Variants in COL6A5 observed in about 807,000 individuals in gnomAD.
COL6A5 encodes collagen type VI alpha 5 chain.
Under a neutral mutation model 65.6 loss-of-function variants are expected in COL6A5, and 48 were observed. The ratio of observed to expected loss-of-function variants is 0.73; its 90% CI spans 0.58 to 0.93. The LOEUF (loss-of-function observed/expected upper bound fraction) is 0.93. Ranked by LOEUF, COL6A5 falls within the 40% of genes least tolerant of loss-of-function variation. The pLI is 0.00. For missense variants in COL6A5, 914 were observed against 928.3 expected (o/e 0.98, Z 0.20); for synonymous variants, 291 against 322.8 (o/e 0.90, Z 1.05).
chr3:130,474,282 A>T (rs2107620028), intron 7 of COL6A5, among the ~76,000 whole-genome samples: 1 of 152,248 alleles, frequency 6.6e-6, no homozygotes, highest in Middle Eastern at 3.4e-3. Context: ...ACTCACAGAC[A>T]ATCAGACAGC....
chr3:130,392,145 G>A (rs1264242244), intron 7 of COL6A5, among the ~76,000 whole-genome samples: 1 of 152,134 alleles, frequency 6.6e-6, no homozygotes, highest in Non-Finnish European at 1.5e-5. Flanking sequence ...AAACTCAAAC[G>A]GAAAGTTTCA....
At position 130,471,074 on chromosome 3, in the gene COL6A5, T is replaced by TTGTGTGTG. The variant is rs34150957; in HGVS notation, c.2328+127_2328+134dup. On this transcript the variant is annotated intron_variant, in intron 7 of 7. Coordinates refer to ENST00000512836, the Ensembl canonical transcript of COL6A5. ...GTTTTCAAGATCCAAGTGTGTGTTTTTGTGTGTGTGTGTGTGTGTGTGTGT... is the reference window on the plus strand; with the variant it reads ...GTTTTCAAGATCCAAGTGTGTGTTTTTGTGTGTGTGTGTGTGTGTGTGTGTGTGTGTGT... The TTGTGTGTG allele has an allele frequency of 2.3e-4, 128 of 553,504 alleles. No homozygotes were observed. In the South Asian group the frequency reaches 2.6e-3, roughly 11 times the overall value. The allele number at this position is 553,504 out of a possible 1,614,324, so 34.3% of individuals were successfully genotyped here. A position where few individuals can be genotyped will look rare whatever the true frequency, so the allele number is the denominator to read the frequency against.
At chr3:130,376,253 T>A (rs1935764156) in exon 3 of COL6A5, 11 of 1,605,954 alleles carry the variant, frequency 6.8e-6, no homozygotes, top group Non-Finnish European at 8.5e-6. Context: ...GCCCTGTGTA[T>A]GCAGATGTCG....
intron 6 of COL6A5, 88 bp downstream of exon 38, chr3:130,469,569 C>T: frequency 9.3e-7 from 1 of 1,072,632 alleles, no homozygotes. Flanking sequence ...AAATGATCCT[C>T]ACTTCAGTTA....
intron 7 of COL6A5, among the ~76,000 whole-genome samples, chr3:130,478,636 C>T (rs1182922523): frequency 6.6e-6 from 1 of 152,102 alleles, no homozygotes; most frequent in Non-Finnish European, 1.5e-5. Context: ...CTGAATCTAA[C>T]TGCGGTGCTT....
intron 5 of COL6A5, among the ~76,000 whole-genome samples, chr3:130,463,171 A>G (rs367635020): frequency 3.9e-5 from 6 of 152,238 alleles, no homozygotes; most frequent in East Asian, 1.9e-4. Flanking sequence ...AGTACTGCTA[A>G]TCTCATGGGA....
At chr3:130,422,231 T>A (rs373076282) in intron 27 of COL6A5, among the ~76,000 whole-genome samples, 1 of 152,140 alleles carries the variant, frequency 6.6e-6, no homozygotes, top group South Asian at 2.1e-4. Flanking sequence ...GAGGATCAAT[T>A]TTCCAATTTA....
chr3:130,484,770 A>G (rs979576095), exon 8 of COL6A5: 6 of 398,812 alleles, frequency 1.5e-5, no homozygotes, highest in Non-Finnish European at 2.7e-5. Flanking sequence ...CAGATACTCT[A>G]TATGACCAGA....
chr3:130,367,334 C>T (rs969080563), intron 1 of COL6A5, among the ~76,000 whole-genome samples: 2 of 152,184 alleles, frequency 1.3e-5, no homozygotes, highest in South Asian at 4.1e-4. Context: ...ACCTGGGATC[C>T]TTGATCTCTC....
At position 130,471,627 on chromosome 3, in the gene COL6A5, A is replaced by T. The variant is rs1709954116; in HGVS notation, c.2328+660A>T. 7 of 1,485,246 alleles carry T rather than the reference A, an allele frequency of 4.7e-6. No homozygotes were observed. The South Asian group carries it at 7.7e-5, about 16-fold the overall frequency. The allele number at this position is 1,485,246 out of a possible 1,614,324, so 92.0% of individuals were successfully genotyped here. ...TATTATCTGGTGGTATTCACATTTA[A>T]TCTTGCAGGGGACTTGGCTAACTAA... On this transcript the variant is annotated intron_variant, in intron 7 of 7. Coordinates refer to ENST00000512836, the Ensembl canonical transcript of COL6A5.
At chr3:130,402,541 A>G (rs780025400) in intron 12 of COL6A5, among the ~76,000 whole-genome samples, 4 of 152,228 alleles carry the variant, frequency 2.6e-5, no homozygotes, top group Non-Finnish European at 5.9e-5. Flanking sequence ...GCATGTGGTA[A>G]AATTCCATTT....
chr3:130,439,433 G>T (rs58510278), intron 1 of COL6A5, 89 bp from the exon 34 acceptor site: 17 of 799,650 alleles, frequency 2.1e-5, no homozygotes, highest in Non-Finnish European at 3.3e-5. Flanking sequence ...GTGATTAGTT[G>T]GGTGTTTTTT....
At chr3:130,476,166 TTGA>T (rs752698890) in intron 7 of COL6A5, among the ~76,000 whole-genome samples, 36 of 152,226 alleles carry the variant, frequency 2.4e-4, no homozygotes, top group Non-Finnish European at 4.6e-4. Flanking sequence ...TATAAGGTTC[TTGA>T]TGAGGGCTCT....
chr3:130,431,541 TA>T lies in COL6A5; in HGVS notation c.83del (p.Thr29HisfsTer56). The T allele has an allele frequency of 6.4e-7, 1 of 1,551,614 alleles. No individual in the cohort carries two copies. The highest frequency in any genetic ancestry group is 8.7e-7 in the Non-Finnish European group (1 of 1,146,930). On this transcript the variant is annotated frameshift_variant, in exon 1 of 8. Transcript: ENST00000512836. LOFTEE classifies it high-confidence loss of function. ...ACGATGTCACAGAAGAGAGCTTTAATAAAACACGGGACATCATCACTTCCAT... is the reference window on the plus strand; with the variant it reads ...ACGATGTCACAGAAGAGAGCTTTAATAAACACGGGACATCATCACTTCCAT...
exon 3 of COL6A5, chr3:130,440,404 G>A: frequency 1.2e-6 from 2 of 1,613,614 alleles, no homozygotes; most frequent in Non-Finnish European, 1.7e-6. Context: ...CCAGGAGAAA[G>A]ATGGGTACAG....
In COL6A5 at chr3:130,376,650, G is replaced by A. The variant is rs777760382; in HGVS notation, c.481G>A (p.Gly161Arg). 1.4e-4 allele frequency: 221 copies of A among 1,612,984 alleles called. 2 individuals are homozygous for A. The Middle Eastern group carries it at 6.4e-3, about 47-fold the overall frequency. The change falls in exon 3 of 42, where the codon GGG becomes AGG. Residue 161 changes from glycine (G) to arginine (R), a missense_variant and NMD_transcript_variant. By Grantham distance (125) the Gly-to-Arg change is moderately radical (BLOSUM62 -2). Coordinates refer to the COL6A5 transcript ENST00000312481. ...GGCTTCGAAAGCCCTGCAGAAAGAC[G>A]GGGTGAAAATTATCTCCGTGGGGGT...
intron 4 of COL6A5, 84 bp from the exon 5 acceptor site, chr3:130,384,720 C>A: frequency 9.0e-7 from 1 of 1,107,418 alleles, no homozygotes; most frequent in Non-Finnish European, 1.3e-6. Context: ...TTTAGAAATG[C>A]CTCAGCCTCA....
In COL6A5 at chr3:130,422,767, A is replaced by T. The variant is rs763529704; in HGVS notation, c.5085A>T (p.Gly1695=). ...TTCCTGGGGGACCTGGACCCAAAGG[A>T]TTTAGGGGACTAGCAGTAAGTAGCC... is the stretch of plus-strand genomic sequence containing the variant. The change falls in exon 28 of 42, where the codon GGA becomes GGT. Residue 1695 remains glycine, a synonymous_variant and NMD_transcript_variant. Coordinates refer to the COL6A5 transcript ENST00000312481. 9.9e-6 allele frequency: 15 copies of T among 1,516,760 alleles called. No homozygotes were observed. The Admixed American group carries it at 2.4e-4, about 24-fold the overall frequency. 94.0% of individuals were successfully genotyped at this position (1,516,760 alleles called of 1,614,324 possible).
At position 130,378,445 on chromosome 3, in the gene COL6A5, G is replaced by A. The variant is rs141766670; in HGVS notation, c.668-973G>A. 4.6e-4 allele frequency among the ~76,000 whole-genome samples: 70 copies of A among 152,264 alleles called. 1 individual carries two copies. The highest frequency in any genetic ancestry group is 1.6e-3 in the African/African-American group (65 of 41,550). On this transcript the variant is annotated intron_variant and NMD_transcript_variant, in intron 3 of 41. Coordinates refer to the COL6A5 transcript ENST00000312481. ...TCCTTGTCATTCCATCTTAGCAGCTGTAATACTTGTCCAAGAATCATTATC... is the reference window on the plus strand; with the variant it reads ...TCCTTGTCATTCCATCTTAGCAGCTATAATACTTGTCCAAGAATCATTATC...
Sources: gnomAD v4.1 joint callset for allele counts (sites outside exome capture counted in the v4.1 genomes callset) on GRCh38, gnomAD v4.1.1 for gene constraint, MANE v1.5 for transcripts, NCBI Gene and HGNC (gene_info 2026-07-23, HGNC 2026-07-21) for gene names.